DGKB: variants seen among roughly 807,000 people sequenced by gnomAD.
DGKB encodes diacylglycerol kinase beta.
In DGKB, 67 loss-of-function variants were observed where a neutral mutation model predicts 114.3. The ratio of observed to expected loss-of-function variants is 0.59; its 90% CI spans 0.48 to 0.72. The LOEUF is 0.72. Among genes scored for constraint, DGKB ranks in the 30% least tolerant of loss-of-function variants. The pLI, the probability that DGKB is intolerant of heterozygous loss-of-function variation, is 0.00. For synonymous variants in DGKB, 398 were observed against 323.1 expected (o/e 1.23, Z -2.49); for missense variants, 907 against 975.2 (o/e 0.93, Z 0.93).
intron 25 of DGKB, among the ~76,000 whole-genome samples, chr7:14,157,732 G>C (rs1205665626): frequency 2.0e-5 from 3 of 152,036 alleles, no homozygotes; most frequent in Non-Finnish European, 4.4e-5. Context: ...CATTTTAAAA[G>C]CATTTTTATT....
chr7:14,467,145 T>C (rs1194901119), intron 21 of DGKB, among the ~76,000 whole-genome samples: 2 of 150,526 alleles, frequency 1.3e-5, no homozygotes, highest in African/African-American at 4.9e-5. Flanking sequence ...ATTATATGTT[T>C]ATATAAGCTA....
At chr7:14,688,758 A>G (rs1822165248) in intron 9 of DGKB, among the ~76,000 whole-genome samples, 1 of 152,184 alleles carries the variant, frequency 6.6e-6, no homozygotes, top group African/African-American at 2.4e-5. Flanking sequence ...AAAGGAAATA[A>G]TGCTCTTCAG....
chr7:14,430,030 C>A (rs1828213780), intron 21 of DGKB, among the ~76,000 whole-genome samples: 2 of 152,112 alleles, frequency 1.3e-5, no homozygotes, highest in Non-Finnish European at 1.5e-5. Context: ...TTGCTTTTTA[C>A]TGATTGTTTG....
chr7:14,882,625 T>A (rs1001109356), intron 1 of DGKB, among the ~76,000 whole-genome samples: 1 of 151,936 alleles, frequency 6.6e-6, no homozygotes, highest in Non-Finnish European at 1.5e-5. Flanking sequence ...CTATTGTCTA[T>A]CATTCCACTG....
chr7:14,823,950 G>C (rs985611394), intron 2 of DGKB, among the ~76,000 whole-genome samples: 3 of 152,102 alleles, frequency 2.0e-5, no homozygotes, highest in Admixed American at 6.6e-5. Flanking sequence ...AAAAGAAAGA[G>C]GTTTAATTGA....
At chr7:14,580,773 T>A (rs1799805180) in intron 19 of DGKB, 89 bp downstream of exon 19, 1 of 863,042 alleles carries the variant, frequency 1.2e-6, no homozygotes, top group South Asian at 1.8e-5. Context: ...TGAAATCATA[T>A]CGTTTTTGTT....
intron 6 of DGKB, among the ~76,000 whole-genome samples, chr7:14,717,282 T>G (rs1828356055): frequency 1.3e-5 from 2 of 152,146 alleles, no homozygotes; most frequent in African/African-American, 4.8e-5. Context: ...TTTATTCATT[T>G]TCAGATGTGG....
At chr7:14,269,463 G>A (rs1797971459) in intron 23 of DGKB, among the ~76,000 whole-genome samples, 1 of 152,150 alleles carries the variant, frequency 6.6e-6, no homozygotes, top group Admixed American at 6.5e-5. Context: ...AATTAGAGGT[G>A]ACAGTGTAAC....
intron 20 of DGKB, among the ~76,000 whole-genome samples, chr7:14,560,595 A>G (rs1422753632): frequency 6.6e-6 from 1 of 152,160 alleles, no homozygotes; most frequent in Admixed American, 6.5e-5. Flanking sequence ...CATCTTCTTT[A>G]TCCATTCATC....
At chr7:14,709,200 C>T (rs1305332429) in intron 6 of DGKB, among the ~76,000 whole-genome samples, 1 of 152,152 alleles carries the variant, frequency 6.6e-6, no homozygotes, top group African/African-American at 2.4e-5. Flanking sequence ...ATGCAGCCAA[C>T]AGGCACATGA....
At chr7:14,916,299 G>A (rs983423809) in intron 1 of DGKB, among the ~76,000 whole-genome samples, 1 of 151,644 alleles carries the variant, frequency 6.6e-6, no homozygotes, top group African/African-American at 2.4e-5. Context: ...TAAAAAAAGA[G>A]CAAGTGCAAT....
rs1310373265 is a variant in DGKB at position 14,870,977 on chromosome 7, G to A, written c.-187-29527C>T. On this transcript the variant is annotated intron_variant, in intron 1 of 25. Coordinates refer to ENST00000402815, the MANE Select transcript of DGKB (RefSeq NM_001350709.2). ...GTGGTAGCGAGCGCCTGTAGTCCCA[G>A]CTACTCGGGAGGCTGAGGCAGGAGA... 9.5e-4 allele frequency among the ~76,000 whole-genome samples: 5 copies of A among 5,270 alleles called. 2 individuals carry two copies. The highest frequency in any genetic ancestry group is 0.011 in the Admixed American group (2 of 176). 3.5% of individuals were successfully genotyped at this position (5,270 alleles called of 152,430 possible). A position where few individuals can be genotyped will look rare whatever the true frequency, so the allele number is the denominator to read the frequency against.
intron 1 of DGKB, among the ~76,000 whole-genome samples, chr7:14,897,309 A>G (rs919506230): frequency 1.2e-4 from 18 of 152,068 alleles, no homozygotes; most frequent in South Asian, 2.1e-4. Context: ...GATAATTTGT[A>G]GGACAGGGTT....
chr7:14,704,615 A>G (rs1280146901), intron 6 of DGKB, among the ~76,000 whole-genome samples: 4 of 151,884 alleles, frequency 2.6e-5, no homozygotes, highest in Non-Finnish European at 2.9e-5. Context: ...CACGCAGCTG[A>G]AGATCTGAGA....
At chr7:14,964,362 G>A (rs1562908373) in intron 1 of DGKB, among the ~76,000 whole-genome samples, 3 of 151,884 alleles carry the variant, frequency 2.0e-5, no homozygotes, top group Admixed American at 6.6e-5. Flanking sequence ...AAAATTAGCT[G>A]GGTAGATTGC....
intron 20 of DGKB, among the ~76,000 whole-genome samples, chr7:14,517,005 C>T (rs1022305725): frequency 1.3e-5 from 2 of 152,058 alleles, no homozygotes; most frequent in Non-Finnish European, 2.9e-5. Context: ...CAAGTTGATC[C>T]TAAGCAAAAG....
chr7:14,681,760 C>G (rs184516228), intron 12 of DGKB, among the ~76,000 whole-genome samples: 2 of 152,032 alleles, frequency 1.3e-5, no homozygotes, highest in Non-Finnish European at 1.5e-5. Flanking sequence ...CATCTAACAA[C>G]TGCATTCATT....
At chr7:14,326,287 C>T (rs1463225391) in intron 23 of DGKB, among the ~76,000 whole-genome samples, 1 of 151,038 alleles carries the variant, frequency 6.6e-6, no homozygotes, top group Non-Finnish European at 1.5e-5. Flanking sequence ...CTAATTTGCT[C>T]TTTTTTTTTC....
At chr7:14,920,812 G>C (rs1209621683) in intron 1 of DGKB, among the ~76,000 whole-genome samples, 1 of 152,144 alleles carries the variant, frequency 6.6e-6, no homozygotes, top group Non-Finnish European at 1.5e-5. Flanking sequence ...ATATTATTTG[G>C]TGATAAAGGG....
Sources: allele counts gnomAD v4.1 joint callset (sites outside exome capture counted in the v4.1 genomes callset), GRCh38; gene constraint gnomAD v4.1.1; transcripts MANE v1.5; gene names NCBI Gene and HGNC (gene_info 2026-07-23, HGNC 2026-07-21).